INPP5A: variants seen among roughly 807,000 people sequenced by gnomAD.
INPP5A encodes the protein inositol polyphosphate-5-phosphatase A.
A neutral mutation model predicts 65.2 loss-of-function variants in INPP5A; 14 were observed. The observed-to-expected ratio is 0.21, with a 90% CI of 0.14 to 0.34. INPP5A has a LOEUF of 0.34. Ranked by LOEUF, INPP5A falls within the 10% of genes least tolerant of loss-of-function variation. The pLI, the probability that INPP5A is intolerant of heterozygous loss-of-function variation, is 1.00. For missense variants in INPP5A, 431 were observed against 545.6 expected (o/e 0.79, Z 2.09); for synonymous variants, 207 against 208.3 (o/e 0.99, Z 0.05).
In INPP5A at chr10:132,704,612, C is replaced by T. The variant is rs1845503042; in HGVS notation, c.475-3701C>T. On this transcript the variant is annotated intron_variant, in intron 6 of 15. Coordinates refer to ENST00000368594, the MANE Select transcript of INPP5A (RefSeq NM_005539.5). This position sits in a 1 kb window ranked among gnomAD's most constrained non-coding sequence, Gnocchi z 4.5. ...GGCAGCCTGGCAGTCCTGTCTTACC[C>T]ACTGCCTTGAGGCCCTGGGTGCTGC... 6.6e-6 allele frequency among the ~76,000 whole-genome samples: 1 copy of T among 152,234 alleles called. No individual in the cohort carries two copies. The highest frequency in any genetic ancestry group is 2.4e-5 in the African/African-American group (1 of 41,450).
rs544057600 is a variant in INPP5A at position 132,559,002 on chromosome 10, G to A, written c.75+20831G>A. 8.5e-5 allele frequency among the ~76,000 whole-genome samples: 13 copies of A among 152,276 alleles called. 1 individual carries two copies. In the South Asian group the frequency reaches 2.7e-3, roughly 32 times the overall value. Reference sequence around the variant, plus strand: ...CTGGAGCCTTCCTCCCAGACCCATCGGCCTCCTCGGGACAGTCCAGCCCCG... The same window carrying A: ...CTGGAGCCTTCCTCCCAGACCCATCAGCCTCCTCGGGACAGTCCAGCCCCG... On this transcript the variant is annotated intron_variant, in intron 1 of 15. Transcript: ENST00000368594.
chr10:132,717,345 G>A (rs886712387), intron 8 of INPP5A, among the ~76,000 whole-genome samples: 3 of 148,472 alleles, frequency 2.0e-5, no homozygotes, highest in Non-Finnish European at 4.4e-5. Context: ...CTTTGGGTGC[G>A]GCACTGGGGA....
Position 132,704,751 on chromosome 10 carries a change from G to A in INPP5A, c.475-3562G>A, listed in dbSNP as rs1047441561. Among the ~76,000 whole-genome samples, 2 of 152,192 alleles carry A rather than the reference G, an allele frequency of 1.3e-5. No individual in the cohort carries two copies. Among genetic ancestry groups the A allele is most frequent in the South Asian group, 2.1e-4 (1 of 4,824 alleles). On this transcript the variant is annotated intron_variant, in intron 6 of 15. Coordinates refer to ENST00000368594, the MANE Select transcript of INPP5A (RefSeq NM_005539.5). The surrounding 1 kb of genome is among the most constrained non-coding windows in gnomAD (Gnocchi z 4.5). ...GACGTGTGGGAGATGGAGGAAGGGC[G>A]TCTAGTCAGGCAGCAGGCAGCTCCT...
intron 9 of INPP5A, among the ~76,000 whole-genome samples, chr10:132,742,962 C>T (rs1846301197): frequency 6.6e-6 from 1 of 152,254 alleles, no homozygotes; most frequent in African/African-American, 2.4e-5. Context: ...ACCCAGCCGG[C>T]CTGCGCCTGC....
chr10:132,657,671 G>A (rs934902357), intron 4 of INPP5A, among the ~76,000 whole-genome samples: 1 of 152,166 alleles, frequency 6.6e-6, no homozygotes, highest in Non-Finnish European at 1.5e-5. Flanking sequence ...TTCCACTCTC[G>A]TTCTCCTAAA....
chr10:132,708,909 G>A (rs761198000), intron 7 of INPP5A, among the ~76,000 whole-genome samples: 2 of 152,180 alleles, frequency 1.3e-5, no homozygotes, highest in Non-Finnish European at 2.9e-5. Context: ...GCTTCCAGGT[G>A]GCTCCCCAAC....
chr10:132,766,326 T>C (rs1319063227), intron 12 of INPP5A, among the ~76,000 whole-genome samples: 1 of 152,270 alleles, frequency 6.6e-6, no homozygotes, highest in Non-Finnish European at 1.5e-5. Flanking sequence ...TTTTCCAATA[T>C]GCAAAATACT....
chr10:132,721,544 T>C (rs1845881048), intron 8 of INPP5A, among the ~76,000 whole-genome samples: 1 of 150,916 alleles, frequency 6.6e-6, no homozygotes, highest in South Asian at 2.1e-4. Flanking sequence ...GCGGTTTCTG[T>C]GGTGCCTGGG....
At position 132,770,221 on chromosome 10, in the gene INPP5A, C is replaced by T. The variant is rs573443852; in HGVS notation, c.977+4375C>T. ...GGCAGGCTGAGCCTTCAGGCCCAGG[C>T]CTGCCCGACGGTACCCACCCCCAGG... On this transcript the variant is annotated intron_variant, in intron 12 of 15. Coordinates refer to ENST00000368594, the MANE Select transcript of INPP5A (RefSeq NM_005539.5). Among the ~76,000 whole-genome samples, 166 of 152,314 alleles carry T rather than the reference C, an allele frequency of 1.1e-3. 1 individual carries two copies. The highest frequency in any genetic ancestry group is 3.8e-3 in the African/African-American group (160 of 41,564).
intron 11 of INPP5A, 121 bp downstream of exon 11, chr10:132,749,966 G>T: frequency 1.1e-6 from 1 of 898,274 alleles, no homozygotes; most frequent in Non-Finnish European, 1.8e-6. Context: ...CCAGGACTCA[G>T]TTCTGAGCCA....
At chr10:132,750,396 T>G (rs114745361) in intron 11 of INPP5A, among the ~76,000 whole-genome samples, 366 of 152,354 alleles carry the variant, frequency 2.4e-3, no homozygotes, top group African/African-American at 8.2e-3. Flanking sequence ...TCAATGGGAA[T>G]GTGCGGCTCA....
Position 132,636,162 on chromosome 10 carries a change from A to AGTGTGT in INPP5A, c.118-9706_118-9705insGTGTGT, listed in dbSNP as rs1478790544. Among the ~76,000 whole-genome samples the AGTGTGT allele has an allele frequency of 1.2e-4, 5 of 42,268 alleles. No homozygotes were observed. The Admixed American group carries it at 1.6e-3, about 13-fold the overall frequency. The allele number at this position is 42,268 out of a possible 152,430, so 27.7% of individuals were successfully genotyped here. On this transcript the variant is annotated intron_variant, in intron 2 of 15. Transcript: ENST00000368594. Reference sequence around the variant, plus strand: ...AAAAAATGCTTTATTGGATAAACAAAATGTGTGTGTGTGTGTGTGTGTGTG... The same window carrying AGTGTGT: ...AAAAAATGCTTTATTGGATAAACAAAGTGTGTATGTGTGTGTGTGTGTGTGTGTGTG...
At chr10:132,590,541 C>T (rs982450309) in intron 1 of INPP5A, among the ~76,000 whole-genome samples, 1 of 152,100 alleles carries the variant, frequency 6.6e-6, no homozygotes, top group Non-Finnish European at 1.5e-5. Flanking sequence ...GTCAGTGGGG[C>T]CTGCGTTCGA....
intron 11 of INPP5A, 39 bp from the exon 12 acceptor site, chr10:132,765,734 A>G: frequency 1.5e-6 from 2 of 1,340,188 alleles, no homozygotes; most frequent in Non-Finnish European, 2.2e-6. Context: ...AGCGAGGAAA[A>G]CCAATGTGAC....
At chr10:132,573,381 T>G (rs1590839355) in intron 1 of INPP5A, among the ~76,000 whole-genome samples, 2 of 115,224 alleles carry the variant, frequency 1.7e-5, no homozygotes, top group Non-Finnish European at 3.5e-5. Context: ...CCGTGTGAGG[T>G]TTTGTTGAGA....
chr10:132,649,827 T>C (rs1463928856), intron 3 of INPP5A, among the ~76,000 whole-genome samples: 1 of 152,138 alleles, frequency 6.6e-6, no homozygotes, highest in Non-Finnish European at 1.5e-5. Flanking sequence ...GGTGAGCTTG[T>C]CTCCTTAAGG....
chr10:132,666,040 G>A (rs1365738254), intron 4 of INPP5A, among the ~76,000 whole-genome samples: 2 of 129,482 alleles, frequency 1.5e-5, no homozygotes, highest in African/African-American at 6.0e-5. Context: ...GGGCAACAGA[G>A]CAAGATCCTG....
intron 11 of INPP5A, among the ~76,000 whole-genome samples, chr10:132,751,987 A>G (rs1486687338): frequency 5.3e-4 from 30 of 56,152 alleles, no homozygotes; most frequent in Admixed American, 7.7e-4. Context: ...GTGTCTGGGT[A>G]GAGGCGGGTG....
intron 1 of INPP5A, among the ~76,000 whole-genome samples, chr10:132,548,513 A>G (rs939197719): frequency 1.3e-5 from 2 of 152,148 alleles, no homozygotes; most frequent in African/African-American, 4.8e-5. Context: ...AATAGCATGC[A>G]GTTCACCCAA....
Sources: allele counts gnomAD v4.1 joint callset (sites outside exome capture counted in the v4.1 genomes callset), GRCh38; gene constraint gnomAD v4.1.1; non-coding constraint Gnocchi (gnomAD v3.1); transcripts MANE v1.5; gene names NCBI Gene and HGNC (gene_info 2026-07-23, HGNC 2026-07-21).